FAM13B: variants seen among roughly 807,000 people sequenced by gnomAD.
FAM13B encodes the protein protein FAM13B.
In FAM13B, 60 loss-of-function variants were observed where a neutral mutation model predicts 117.3. The observed-to-expected ratio is 0.51, with a 90% CI of 0.42 to 0.63. The LOEUF (loss-of-function observed/expected upper bound fraction) is 0.63, where lower values mean the gene tolerates loss of function less well. Ranked by LOEUF, FAM13B falls within the 30% of genes least tolerant of loss-of-function variation. The pLI is 0.00. For synonymous variants in FAM13B, 332 were observed against 356.1 expected (o/e 0.93, Z 0.76); for missense variants, 972 against 1,091.9 (o/e 0.89, Z 1.55).
chr5:138,027,565 T>C (rs562232383), intron 1 of FAM13B, among the ~76,000 whole-genome samples: 48 of 152,306 alleles, frequency 3.2e-4, no homozygotes, highest in Non-Finnish European at 6.0e-4. Flanking sequence ...AAGTGGCAAA[T>C]ATGCTAACTT....
At chr5:138,040,191 G>T (rs184865956) in intron 1 of FAM13B, among the ~76,000 whole-genome samples, 55 of 144,846 alleles carry the variant, frequency 3.8e-4, no homozygotes, top group African/African-American at 1.4e-3. Flanking sequence ...TTGAACCCAG[G>T]AGGCAGAGGT....
intron 7 of FAM13B, among the ~76,000 whole-genome samples, chr5:138,005,989 C>G (rs1389169104): frequency 6.6e-6 from 1 of 151,758 alleles, no homozygotes; most frequent in Non-Finnish European, 1.5e-5. Flanking sequence ...AGCTCCGCCT[C>G]CCGGGTTCAT....
intron 6 of FAM13B, 113 bp from the exon 7 acceptor site, chr5:138,007,260 T>C (rs1782778090): frequency 1.2e-6 from 1 of 828,364 alleles, no homozygotes; most frequent in African/African-American, 1.7e-5. Flanking sequence ...TATTTCCTCA[T>C]TTCCTAGGAC....
intron 7 of FAM13B, among the ~76,000 whole-genome samples, chr5:137,997,135 T>C (rs970596938): frequency 5.3e-5 from 8 of 152,214 alleles, no homozygotes; most frequent in African/African-American, 1.9e-4. Context: ...TTCACATTTT[T>C]TAAAGGTAAA....
At chr5:138,011,170 T>C in intron 5 of FAM13B, 21 bp from the exon 6 acceptor site, 1 of 1,585,914 alleles carries the variant, frequency 6.3e-7, no homozygotes, top group South Asian at 1.2e-5. Flanking sequence ...AAGTCCAAAT[T>C]GAATTGAGAG....
At chr5:138,017,274 C>T (rs763266575) in intron 4 of FAM13B, among the ~76,000 whole-genome samples, 11 of 152,108 alleles carry the variant, frequency 7.2e-5, no homozygotes, top group Non-Finnish European at 1.6e-4. Flanking sequence ...AAATCAAAGA[C>T]ATCCAACTAA....
chr5:137,962,526 A>C, intron 10 of FAM13B, 57 bp from the exon 11 acceptor site: 2 of 1,503,556 alleles, frequency 1.3e-6, no homozygotes, highest in South Asian at 2.4e-5. Context: ...AGATAAGAGA[A>C]GTTGCCAATC....
chr5:137,974,557 T>C (rs1171243226), intron 10 of FAM13B, among the ~76,000 whole-genome samples: 2 of 147,832 alleles, frequency 1.4e-5, no homozygotes, highest in Non-Finnish European at 3.0e-5. Flanking sequence ...CATGTATACA[T>C]ATGTAACTAA....
At position 137,941,951 on chromosome 5, in the gene FAM13B, T is replaced by C; in HGVS notation, c.2683A>G (p.Asn895Asp). 1 of 1,613,696 alleles carries C rather than the reference T, an allele frequency of 6.2e-7. No homozygotes were observed. Among genetic ancestry groups the C allele is most frequent in the African/African-American group, 1.3e-5 (1 of 75,028 alleles). ...TTGTGATGCTCAACAAACCTTCCAT[T>C]TTGTTGATAAAATGCTTCTTCAAAT... ...REFEEAFYQQNGRNAQKEDRV... is the reference protein window; with the variant it reads ...REFEEAFYQQDGRNAQKEDRV... Residue 895 changes from asparagine (N) to aspartate (D), a missense_variant, in exon 23 of 24, where the codon AAT (asparagine) becomes GAT (aspartate). By Grantham distance (23) the Asn-to-Asp change is conservative. Coordinates refer to ENST00000689681, the MANE Select transcript of FAM13B (RefSeq NM_001385994.1).
chr5:138,006,493 T>C (rs1211000757), intron 7 of FAM13B, among the ~76,000 whole-genome samples: 1 of 152,220 alleles, frequency 6.6e-6, no homozygotes, highest in Non-Finnish European at 1.5e-5. Context: ...TGGTCCCAGC[T>C]ATGTGCTGGG....
chr5:138,019,928 T>C, intron 2 of FAM13B: 2 of 534,108 alleles, frequency 3.7e-6, no homozygotes, highest in Non-Finnish European at 4.8e-6. Context: ...GATCTGCCCG[T>C]CTCGGCCCCC....
At chr5:138,043,560 C>T (rs998833348) in intron 1 of FAM13B, among the ~76,000 whole-genome samples, 2 of 151,732 alleles carry the variant, frequency 1.3e-5, no homozygotes, top group African/African-American at 4.8e-5. Context: ...CTGCCTCAGC[C>T]TCCCAAGTAG....
At chr5:138,018,865 T>TAA (rs61387863) in intron 3 of FAM13B, 90 bp downstream of exon 3, 54 of 934,358 alleles carry the variant, frequency 5.8e-5, no homozygotes, top group African/African-American at 1.7e-4. Flanking sequence ...CTTTCCATAT[T>TAA]AAAAAAAAAA....
chr5:137,948,244 T>A (rs956704351), intron 18 of FAM13B, among the ~76,000 whole-genome samples: 1 of 151,802 alleles, frequency 6.6e-6, no homozygotes, highest in African/African-American at 2.4e-5. Context: ...ATGGACATAA[T>A]CACGTCAATA....
intron 1 of FAM13B, among the ~76,000 whole-genome samples, chr5:138,050,271 C>T (rs1313488958): frequency 1.3e-5 from 2 of 151,866 alleles, no homozygotes; most frequent in Admixed American, 6.6e-5. Context: ...AACCCTGTCC[C>T]TACTAAAAAT....
rs1777747300 is a variant in FAM13B, at chr5:137,988,323, CAAAG to C, written c.849-12_849-9del. 4.5e-6 allele frequency: 7 copies of C among 1,555,470 alleles called. No homozygotes were observed. Among genetic ancestry groups the C allele is most frequent in the South Asian group, 1.2e-5 (1 of 80,744 alleles). ...ATGGGAGATATATGGGTGCTGCAAT[CAAAG>C]AAAGAAATTAGCTATAAAAATGTTC... On this transcript the variant is annotated splice_polypyrimidine_tract_variant and intron_variant, in intron 7 of 23. Coordinates refer to ENST00000689681, the MANE Select transcript of FAM13B (RefSeq NM_001385994.1).
chr5:137,986,408 G>C (rs1777226126), intron 9 of FAM13B, among the ~76,000 whole-genome samples: 1 of 136,200 alleles, frequency 7.3e-6, no homozygotes, highest in Non-Finnish European at 1.6e-5. Flanking sequence ...TCTAGATTTG[G>C]GTACATTTTT....
At chr5:138,047,660 A>C (rs1172461795) in intron 1 of FAM13B, among the ~76,000 whole-genome samples, 3 of 152,242 alleles carry the variant, frequency 2.0e-5, no homozygotes, top group Non-Finnish European at 2.9e-5. Flanking sequence ...GGGTGGGCCC[A>C]ATGTAATCAC....
In FAM13B at chr5:138,019,160, G is replaced by C. The variant is rs1372241193; in HGVS notation, c.-35-14C>G. On this transcript the variant is annotated splice_polypyrimidine_tract_variant and intron_variant, in intron 2 of 23. Transcript: ENST00000689681. The stretch of plus-strand genomic sequence containing the variant: ...AAGCTGTCTTTTCTGCCAAATGAAA[G>C]ACAAAAAAAAAAGACTATAATGATT... 11 of 1,412,622 alleles carry C rather than the reference G, an allele frequency of 7.8e-6. No homozygotes were observed. In the African/African-American group the frequency reaches 1.8e-4, roughly 23 times the overall value. The allele number at this position is 1,412,622 out of a possible 1,614,324, so 87.5% of individuals were successfully genotyped here. A position where few individuals can be genotyped will look rare whatever the true frequency, so the allele number is the denominator to read the frequency against.
Sources: allele counts gnomAD v4.1 joint callset (sites outside exome capture counted in the v4.1 genomes callset), GRCh38; gene constraint gnomAD v4.1.1; transcripts MANE v1.5; gene names NCBI Gene and HGNC (gene_info 2026-07-23, HGNC 2026-07-21).